The following MYF5 variants were observed in gnomAD, a reference collection of about 807,000 sequenced individuals.
MYF5 encodes class C basic helix-loop-helix protein 2.
Under a neutral mutation model 22.3 loss-of-function variants are expected in MYF5, and 20 were observed. The observed-to-expected ratio is 0.90, with a 90% CI of 0.63 to 1.30. The LOEUF (loss-of-function observed/expected upper bound fraction) is 1.30, where lower values mean the gene tolerates loss of function less well. MYF5 is among the 50% of genes most tolerant of loss of function. MYF5 has a pLI of 0.00. For missense variants in MYF5, 348 were observed against 325.9 expected (o/e 1.07, Z -0.52); for synonymous variants, 141 against 128.4 (o/e 1.10, Z -0.66).
At position 80,719,007 on chromosome 12, in the gene MYF5, A is replaced by G. The variant is rs138846043; in HGVS notation, c.724A>G (p.Thr242Ala). 769 of 1,613,902 alleles carry G rather than the reference A, an allele frequency of 4.8e-4. No individual in the cohort carries two copies. The highest frequency in any genetic ancestry group is 6.1e-4 in the Non-Finnish European group (725 of 1,179,976). ...TGCCAGCACCGATTCACAGCCTGCA[A>G]CTCCAGGGGCTTCTAGTTCCAGGCT... ...PVASTDSQPA[T>A]PGASSSRLIY... Residue 242 changes from threonine to alanine, a missense_variant, in exon 3 of 3, where the codon ACT becomes GCT. Coordinates refer to ENST00000228644, the MANE Select transcript of MYF5 (RefSeq NM_005593.3).
At chr12:80,718,657 AAT>A (rs1179620602) in intron 2 of MYF5, among the ~76,000 whole-genome samples, 1 of 152,132 alleles carries the variant, frequency 6.6e-6, no homozygotes, top group African/African-American at 2.4e-5. Flanking sequence ...TGTTGCTTGA[AAT>A]ATTATCAGGG....
chr12:80,719,055 A>T lies in MYF5; in HGVS notation c.*4A>T, dbSNP rs1167721135. The T allele has an allele frequency of 3.1e-6, 5 of 1,612,994 alleles. No individual in the cohort carries two copies. Among genetic ancestry groups the T allele is most frequent in the Non-Finnish European group, 4.2e-6 (5 of 1,179,530 alleles). On this transcript the variant is annotated 3_prime_UTR_variant, in exon 3 of 3. Coordinates refer to ENST00000228644, the MANE Select transcript of MYF5 (RefSeq NM_005593.3). ...GCTTATCTATCATGTGCTATGAACTAATTTTCTGGTCTATATGACTTCTTC... is the reference window on the plus strand; with the variant it reads ...GCTTATCTATCATGTGCTATGAACTTATTTTCTGGTCTATATGACTTCTTC...
In MYF5 at chr12:80,719,016, G is replaced by A. The variant is rs780692233; in HGVS notation, c.733G>A (p.Ala245Thr). ...STDSQPATPG[A>T]SSSRLIYHVL Reference sequence around the variant, plus strand: ...CGATTCACAGCCTGCAACTCCAGGGGCTTCTAGTTCCAGGCTTATCTATCA... The same window carrying A: ...CGATTCACAGCCTGCAACTCCAGGGACTTCTAGTTCCAGGCTTATCTATCA... Residue 245 changes from alanine to threonine, a missense_variant, in exon 3 of 3, where the codon GCT (alanine) becomes ACT (threonine). By Grantham distance (58) the Ala-to-Thr change is moderately conservative. Transcript: ENST00000228644. 4.0e-5 allele frequency: 65 copies of A among 1,613,890 alleles called. No homozygotes were observed. Among genetic ancestry groups the A allele is most frequent in the Non-Finnish European group, 5.3e-5 (63 of 1,180,014 alleles).
Position 80,717,121 on chromosome 12 carries a change from T to C in MYF5, c.58T>C (p.Cys20Arg). The change falls in exon 1 of 3, where the codon TGC (cysteine) becomes CGC (arginine). Residue 20 changes from cysteine to arginine, a missense_variant. Cys to Arg is a radical substitution (Grantham distance 180). Transcript: ENST00000228644. Reference sequence around the variant, plus strand: ...TTCTGAGTACTTCTACGACGGCTCCTGCATACCGTCCCCCGAGGGTGAATT... The same window carrying C: ...TTCTGAGTACTTCTACGACGGCTCCCGCATACCGTCCCCCGAGGGTGAATT... ...SPSEYFYDGS[C>R]IPSPEGEFGD... The C allele has an allele frequency of 6.2e-7, 1 of 1,613,258 alleles. No individual in the cohort carries two copies. The highest frequency in any genetic ancestry group is 8.5e-7 in the Non-Finnish European group (1 of 1,180,016).
chr12:80,716,964 G>A lies in MYF5; in HGVS notation c.-100G>A. ...TTAATTACCGGAGCGACAGACTAGG[G>A]AGCTCCGCCCGGGATTTGCCCATCG... On this transcript the variant is annotated 5_prime_UTR_variant, in exon 1 of 3. Coordinates refer to ENST00000228644, the MANE Select transcript of MYF5 (RefSeq NM_005593.3). 1 of 1,433,460 alleles carries A rather than the reference G, an allele frequency of 7.0e-7. No individual in the cohort carries two copies. 88.8% of individuals were successfully genotyped at this position (1,433,460 alleles called of 1,614,324 possible).
Position 80,718,989 on chromosome 12 carries a change from A to G in MYF5, c.706A>G (p.Thr236Ala). The G allele has an allele frequency of 6.2e-7, 1 of 1,614,014 alleles. No homozygotes were observed. Among genetic ancestry groups the G allele is most frequent in the Non-Finnish European group, 8.5e-7 (1 of 1,180,002 alleles). The change falls in exon 3 of 3, where the codon ACC (threonine) becomes GCC (alanine). Residue 236 changes from threonine (T) to alanine (A), a missense_variant. Transcript: ENST00000228644. Reference sequence around the variant, plus strand: ...GGCTTCTCTCTCTCCAGTTGCCAGCACCGATTCACAGCCTGCAACTCCAGG... The same window carrying G: ...GGCTTCTCTCTCTCCAGTTGCCAGCGCCGATTCACAGCCTGCAACTCCAGG... ...DLASLSPVAS[T>A]DSQPATPGAS... is the part of the protein sequence containing the mutation.
intron 2 of MYF5, 57 bp downstream of exon 2, chr12:80,718,490 C>T (rs1868662952): frequency 1.5e-6 from 2 of 1,369,958 alleles, no homozygotes; most frequent in South Asian, 2.3e-5. Context: ...ACAATTCAGC[C>T]TATAAGATTC....
chr12:80,718,731 T>C (rs1255461461), intron 2 of MYF5, 130 bp from the exon 3 acceptor site: 3 of 792,340 alleles, frequency 3.8e-6, no homozygotes, highest in South Asian at 1.8e-5. Flanking sequence ...CAAATTTCTA[T>C]GTTAGGCTTT....
Position 80,719,123 on chromosome 12 carries a change from C to A in MYF5, c.*72C>A. ...CAGGAAGAAGAAGGCTTCAAAAAGT[C>A]CCAAACCAAGACAACATGTACATAA... On this transcript the variant is annotated 3_prime_UTR_variant, in exon 3 of 3. Coordinates refer to ENST00000228644, the MANE Select transcript of MYF5 (RefSeq NM_005593.3). The A allele has an allele frequency of 1.5e-6, 2 of 1,301,188 alleles. No homozygotes were observed. Among genetic ancestry groups the A allele is most frequent in the South Asian group, 1.5e-5 (1 of 65,812 alleles). The allele number at this position is 1,301,188 out of a possible 1,614,324, so 80.6% of individuals were successfully genotyped here. A position where few individuals can be genotyped will look rare whatever the true frequency, so the allele number is the denominator to read the frequency against.
Position 80,717,330 on chromosome 12 carries a change from T to A in MYF5, c.267T>A (p.Thr89=), listed in dbSNP as rs746066753. 3.1e-6 allele frequency: 5 copies of A among 1,614,012 alleles called. No homozygotes were observed. The highest frequency in any genetic ancestry group is 1.3e-5 in the African/African-American group (1 of 74,906). Residue 89 remains threonine, a synonymous_variant, in exon 1 of 3, where the codon ACT becomes ACA. Transcript: ENST00000228644. The part of the protein sequence containing the change: ...STTMDRRKAA[T]MRERRRLKKV... The stretch of plus-strand genomic sequence containing the variant: ...CCATGGATCGGCGGAAGGCAGCCAC[T>A]ATGCGCGAGCGGAGGCGCCTGAAGA...
At chr12:80,717,620 C>A in intron 1 of MYF5, 56 bp downstream of exon 1, 7 of 1,566,848 alleles carry the variant, frequency 4.5e-6, no homozygotes, top group Non-Finnish European at 6.1e-6. Context: ...AAAGTCCTTA[C>A]ACCTCATTTA....
Position 80,717,114 on chromosome 12 carries a change from C to A in MYF5, c.51C>A (p.Asp17Glu). The A allele has an allele frequency of 6.2e-7, 1 of 1,612,682 alleles. No homozygotes were observed. Among genetic ancestry groups the A allele is most frequent in the Non-Finnish European group, 8.5e-7 (1 of 1,180,004 alleles). Residue 17 changes from aspartate to glutamate, a missense_variant, in exon 1 of 3, where the codon GAC becomes GAA. Physicochemically the swap from Asp to Glu is conservative, Grantham distance 45. Transcript: ENST00000228644. ...CQFSPSEYFY[D>E]GSCIPSPEGE... ...TCTCACCTTCTGAGTACTTCTACGA[C>A]GGCTCCTGCATACCGTCCCCCGAGG...
In MYF5 at chr12:80,717,242, G is replaced by C. The variant is rs757359731; in HGVS notation, c.179G>C (p.Gly60Ala). 3 of 1,613,954 alleles carry C rather than the reference G, an allele frequency of 1.9e-6. No homozygotes were observed. The highest frequency in any genetic ancestry group is 2.5e-6 in the Non-Finnish European group (3 of 1,180,036). Residue 60 changes from glycine (G) to alanine (A), a missense_variant, in exon 1 of 3, where the codon GGC (glycine) becomes GCC (alanine). By Grantham distance (60) the Gly-to-Ala change is moderately conservative (BLOSUM62 0). Transcript: ENST00000228644. ...GACGAGCACGTGCGAGCGCCTACCG[G>C]CCACCACCAGGCTGGTCACTGCCTC... is the stretch of plus-strand genomic sequence containing the variant. ...DEDEHVRAPT[G>A]HHQAGHCLMW...
chr12:80,718,621 A>G (rs1430025603), intron 2 of MYF5, among the ~76,000 whole-genome samples, 188 bp downstream of exon 2: 1 of 152,174 alleles, frequency 6.6e-6, no homozygotes, highest in Non-Finnish European at 1.5e-5. Flanking sequence ...ACGCACGCAC[A>G]CATGCATACA....
rs996282077 is a variant in MYF5, at chr12:80,719,318, T to C, written c.*267T>C. On this transcript the variant is annotated 3_prime_UTR_variant, in exon 3 of 3. Transcript: ENST00000228644. ...ACTATTTCTGATAGGGGGCCATTGA[T>C]TGAGGGTAGCTTGTTGCAATGCTTA... 9.5e-6 allele frequency: 2 copies of C among 211,316 alleles called. No homozygotes were observed. The highest frequency in any genetic ancestry group is 4.6e-5 in the African/African-American group (2 of 43,058). The allele number at this position is 211,316 out of a possible 1,614,324, so 13.1% of individuals were successfully genotyped here. A position where few individuals can be genotyped will look rare whatever the true frequency, so the allele number is the denominator to read the frequency against.
intron 1 of MYF5, among the ~76,000 whole-genome samples, chr12:80,717,963 A>C (rs1002098060): frequency 9.9e-5 from 15 of 152,196 alleles, no homozygotes; most frequent in African/African-American, 2.9e-4. Context: ...TGCTCCAATG[A>C]GGCCTGGCTG....
At chr12:80,718,813 C>G (rs565120427) in intron 2 of MYF5, 48 bp from the exon 3 acceptor site, 22 of 1,476,450 alleles carry the variant, frequency 1.5e-5, no homozygotes, top group Admixed American at 7.3e-5. Flanking sequence ...GCAAATCTGT[C>G]TATCTTGGGC....
Position 80,717,516 on chromosome 12 carries a change from G to A in MYF5, c.453G>A (p.Gln151=). 1.2e-6 allele frequency: 2 copies of A among 1,614,154 alleles called. No homozygotes were observed. Among genetic ancestry groups the A allele is most frequent in the Non-Finnish European group, 1.7e-6 (2 of 1,180,024 alleles). ...AGAACTACTATAGCCTGCCGGGACA[G>A]AGCTGCTCGGAGCCCACCAGCCCCA... ...QVENYYSLPG[Q]SCSEPTSPTS... is the part of the protein sequence containing the mutation. Residue 151 remains glutamine (Q), a synonymous_variant, in exon 1 of 3, where the codon CAG becomes CAA. Coordinates refer to ENST00000228644, the MANE Select transcript of MYF5 (RefSeq NM_005593.3).
At position 80,717,366 on chromosome 12, in the gene MYF5, G is replaced by T. The variant is rs1280776074; in HGVS notation, c.303G>T (p.Gln101His). ...RERRRLKKVN[Q>H]AFETLKRCTT... Reference sequence around the variant, plus strand: ...GGAGGCGCCTGAAGAAGGTCAACCAGGCTTTCGAAACCCTCAAGAGGTGTA... The same window carrying T: ...GGAGGCGCCTGAAGAAGGTCAACCATGCTTTCGAAACCCTCAAGAGGTGTA... Residue 101 changes from glutamine (Q) to histidine (H), a missense_variant, in exon 1 of 3, where the codon CAG becomes CAT. Physicochemically the swap from Gln to His is conservative, Grantham distance 24 (BLOSUM62 0). Transcript: ENST00000228644. 1 of 1,614,188 alleles carries T rather than the reference G, an allele frequency of 6.2e-7. No homozygotes were observed. Among genetic ancestry groups the T allele is most frequent in the Admixed American group, 1.7e-5 (1 of 60,026 alleles).
Sources: gnomAD v4.1 joint callset for allele counts (sites outside exome capture counted in the v4.1 genomes callset) on GRCh38, gnomAD v4.1.1 for gene constraint, MANE v1.5 for transcripts, NCBI Gene and HGNC (gene_info 2026-07-23, HGNC 2026-07-21) for gene names.